RANBP2: variants seen among roughly 807,000 people sequenced by gnomAD.
RANBP2 encodes RAN binding protein 2, also known as E3 SUMO-protein ligase RanBP2.
RANBP2 carries 57 observed loss-of-function variants against 303.6 expected under a neutral mutation model. The observed-to-expected ratio is 0.19, with a 90% CI of 0.15 to 0.23. RANBP2 has a LOEUF of 0.23. Among genes scored for constraint, RANBP2 ranks in the 10% least tolerant of loss-of-function variants. The probability of loss-of-function intolerance (pLI) is 1.00; values close to 1 mark genes in which losing one functional copy is unlikely to be tolerated. For synonymous variants in RANBP2, 1,167 were observed against 1,301.5 expected (o/e 0.90, Z 2.23); for missense variants, 3,138 against 3,780.8 (o/e 0.83, Z 4.46).
chr2:108,836,209 T>G, the RANBP2 span, among the ~76,000 whole-genome samples: 9 of 152,314 alleles, frequency 5.9e-5, no homozygotes, highest in East Asian at 1.7e-3. Flanking sequence ...AATTTTCTGC[T>G]TCAATGAATT....
the RANBP2 span, among the ~76,000 whole-genome samples, chr2:108,972,494 G>A: frequency 0.47 from 70,777 of 152,132 alleles, 19,553 homozygotes; most frequent in South Asian, 0.74. Context: ...TGGGAGTGCC[G>A]GGGCAGGGCA....
the RANBP2 span, chr2:109,617,426 A>G: frequency 6.0e-6 from 1 of 167,130 alleles, no homozygotes; most frequent in Non-Finnish European, 1.5e-5. Context: ...ATTCATTTAT[A>G]TTAGAGTAAA....
chr2:109,552,980 A>G, the RANBP2 span: 3 of 1,263,500 alleles, frequency 2.4e-6, no homozygotes, highest in Non-Finnish European at 3.3e-6. Context: ...CTCTTTAAAG[A>G]ACAAGTAGCC....
At chr2:109,661,887 C>T in the RANBP2 span, among the ~76,000 whole-genome samples, 3 of 152,200 alleles carry the variant, frequency 2.0e-5, no homozygotes, top group African/African-American at 7.2e-5. Flanking sequence ...CAGCTACAAA[C>T]CTTTGAGTAA....
the RANBP2 span, among the ~76,000 whole-genome samples, chr2:109,699,413 A>G: frequency 2.0e-5 from 3 of 152,136 alleles, no homozygotes; most frequent in African/African-American, 4.8e-5. Flanking sequence ...ATTTCCTCCA[A>G]ACTTAACTAG....
the RANBP2 span, among the ~76,000 whole-genome samples, chr2:109,066,063 G>A: frequency 1.3e-5 from 2 of 151,432 alleles, no homozygotes; most frequent in Non-Finnish European, 2.9e-5. Context: ...TCGGCCTCCC[G>A]AGTAGCTGGG....
At chr2:109,438,593 C>T in the RANBP2 span, among the ~76,000 whole-genome samples, 2 of 152,296 alleles carry the variant, frequency 1.3e-5, no homozygotes, top group South Asian at 4.1e-4. Flanking sequence ...TCTTGGTTTT[C>T]ACACCCCTGG....
At chr2:109,679,751 A>C in the RANBP2 span, among the ~76,000 whole-genome samples, 15 of 152,202 alleles carry the variant, frequency 9.9e-5, no homozygotes, top group Admixed American at 4.6e-4. Context: ...TTCCTGACCT[A>C]CTCAAACAGA....
Position 108,738,939 on chromosome 2 carries a change from A to T in RANBP2, c.783-1550A>T, listed in dbSNP as rs537611919. On this transcript the variant is annotated intron_variant, in intron 6 of 28. Transcript: ENST00000283195. ...GCCACCGCACAGGGCCAATAATAGCATTTTTTATGAAAAATAATTATTTTT... is the reference window on the plus strand; with the variant it reads ...GCCACCGCACAGGGCCAATAATAGCTTTTTTTATGAAAAATAATTATTTTT... Among the ~76,000 whole-genome samples the T allele has an allele frequency of 2.0e-5, 3 of 152,166 alleles. No individual in the cohort carries two copies. The South Asian group carries it at 6.2e-4, about 32-fold the overall frequency.
rs1187547370 is a variant in RANBP2, at chr2:108,765,259, C to G, written c.4720C>G (p.Pro1574Ala). 9.9e-6 allele frequency: 16 copies of G among 1,613,846 alleles called. No individual in the cohort carries two copies. Among genetic ancestry groups the G allele is most frequent in the Non-Finnish European group, 1.4e-5 (16 of 1,180,002 alleles). Reference protein sequence around the residue: ...VACQNPDKPSPSTSVPAPASF... With the variant: ...VACQNPDKPSASTSVPAPASF... ...TTGTCAGAATCCGGATAAACCAAGTCCATCTACTTCTGTTCCAGCTCCTGC... is the reference window on the plus strand; with the variant it reads ...TTGTCAGAATCCGGATAAACCAAGTGCATCTACTTCTGTTCCAGCTCCTGC... The change falls in exon 20 of 29, where the codon CCA (proline) becomes GCA (alanine). Residue 1574 changes from proline to alanine, a missense_variant. Physicochemically the swap from Pro to Ala is conservative, Grantham distance 27. Transcript: ENST00000283195.
At chr2:109,391,801 C>A in the RANBP2 span, among the ~76,000 whole-genome samples, 5 of 152,110 alleles carry the variant, frequency 3.3e-5, no homozygotes, top group African/African-American at 1.2e-4. Context: ...TTTGCCTGAC[C>A]CACTTTTCAT....
chr2:109,167,652 A>G, the RANBP2 span, among the ~76,000 whole-genome samples: 99 of 152,264 alleles, frequency 6.5e-4, no homozygotes, highest in African/African-American at 2.2e-3. Flanking sequence ...GCTCACTGCA[A>G]CCTCAGCTTC....
chr2:109,128,055 C>T, the RANBP2 span: 1 of 152,242 alleles, frequency 6.6e-6, no homozygotes, highest in African/African-American at 2.4e-5. Context: ...TGATGTTAGC[C>T]CTGACTGAAC....
chr2:108,737,473 G>A (rs1695688415), intron 6 of RANBP2, among the ~76,000 whole-genome samples: 1 of 150,820 alleles, frequency 6.6e-6, no homozygotes, highest in African/African-American at 2.4e-5. Flanking sequence ...CGAGTAGCTG[G>A]GACTACAGGC....
At chr2:109,214,338 G>A in the RANBP2 span, among the ~76,000 whole-genome samples, 1 of 152,258 alleles carries the variant, frequency 6.6e-6, no homozygotes, top group Admixed American at 6.5e-5. Flanking sequence ...GCAGAGGAGG[G>A]GCCTTGGGGC....
the RANBP2 span, among the ~76,000 whole-genome samples, chr2:108,967,084 G>A: frequency 1.3e-5 from 2 of 152,086 alleles, no homozygotes; most frequent in Non-Finnish European, 2.9e-5. Context: ...ACAGGCACCC[G>A]CTACCATGCC....
chr2:109,369,413 T>C, the RANBP2 span, among the ~76,000 whole-genome samples: 2 of 152,224 alleles, frequency 1.3e-5, no homozygotes, highest in African/African-American at 4.8e-5. Context: ...GGAGGGACGC[T>C]CTGCTAAATG....
the RANBP2 span, among the ~76,000 whole-genome samples, chr2:109,337,511 G>A: frequency 2.6e-5 from 4 of 152,210 alleles, no homozygotes; most frequent in Non-Finnish European, 4.4e-5. Flanking sequence ...GAGTCCTGGA[G>A]GCACCCCCGG....
At chr2:109,555,314 C>G in the RANBP2 span, among the ~76,000 whole-genome samples, 2 of 152,134 alleles carry the variant, frequency 1.3e-5, no homozygotes, top group African/African-American at 4.8e-5. Context: ...AGGTTTCAGC[C>G]ACACCAACCT....
Sources: allele counts gnomAD v4.1 joint callset (sites outside exome capture counted in the v4.1 genomes callset), GRCh38; gene constraint gnomAD v4.1.1; transcripts MANE v1.5; gene names NCBI Gene and HGNC (gene_info 2026-07-23, HGNC 2026-07-21).